The following GPLD1 variants were observed in gnomAD, a reference collection of about 807,000 sequenced individuals.
GPLD1 encodes glycosylphosphatidylinositol specific phospholipase D1, also known as phosphatidylinositol-glycan-specific phospholipase D.
Under a neutral mutation model 112.6 loss-of-function variants are expected in GPLD1, and 84 were observed. That is an observed-to-expected ratio of 0.75 (90% CI 0.63 to 0.89). The LOEUF (loss-of-function observed/expected upper bound fraction) is 0.89. Ranked by LOEUF, GPLD1 falls within the 40% of genes least tolerant of loss-of-function variation. GPLD1 has a pLI of 0.00. For missense variants in GPLD1, 1,044 were observed against 1,051.5 expected (o/e 0.99, Z 0.10); for synonymous variants, 386 against 403.8 (o/e 0.96, Z 0.53).
intron 24 of GPLD1, among the ~76,000 whole-genome samples, chr6:24,430,603 CT>C (rs1554128315): frequency 4.1e-5 from 1 of 24,244 alleles, no homozygotes; most frequent in Non-Finnish European, 1.4e-4. Flanking sequence ...GAGAGCACTA[CT>C]TACTTAAGTA....
At chr6:24,433,650 G>A (rs145029792) in intron 22 of GPLD1, 44,980 of 348,890 alleles carry the variant, frequency 0.13, 3,455 homozygotes, top group East Asian at 0.15. Context: ...CCACCACCAC[G>A]CCCGGTTAAT....
upstream of GPLD1, among the ~76,000 whole-genome samples, chr6:24,494,565 C>G (rs1044564620): frequency 3.3e-5 from 5 of 152,156 alleles, no homozygotes; most frequent in Non-Finnish European, 5.9e-5. Flanking sequence ...ATCTATGGAC[C>G]GCGCACAAAT....
At chr6:24,439,304 G>A (rs548105193) in intron 20 of GPLD1, among the ~76,000 whole-genome samples, 15 of 143,874 alleles carry the variant, frequency 1.0e-4, no homozygotes, top group East Asian at 1.9e-4. Flanking sequence ...TCTAGCTTTC[G>A]GAGCAAGAAT....
chr6:24,445,865 G>GCACAA lies in GPLD1; in HGVS notation c.1821-39_1821-35dup, dbSNP rs760216376. The GCACAA allele has an allele frequency of 6.6e-5, 95 of 1,433,654 alleles. No individual in the cohort carries two copies. The East Asian group carries it at 2.1e-3, about 32-fold the overall frequency. The allele number at this position is 1,433,654 out of a possible 1,614,324, so 88.8% of individuals were successfully genotyped here. A position where few individuals can be genotyped will look rare whatever the true frequency, so the allele number is the denominator to read the frequency against. Reference sequence around the variant, plus strand: ...AAGCACACTGGGCTTAGCTGCCAGGGCACAAGACTGACAGCTGGCCAGGTA... The same window carrying GCACAA: ...AAGCACACTGGGCTTAGCTGCCAGGGCACAACACAAGACTGACAGCTGGCCAGGTA... On this transcript the variant is annotated intron_variant, in intron 18 of 24. Transcript: ENST00000230036.
At chr6:24,480,967 A>G (rs1019480101) in intron 2 of GPLD1, among the ~76,000 whole-genome samples, 2 of 152,238 alleles carry the variant, frequency 1.3e-5, no homozygotes, top group Non-Finnish European at 2.9e-5. Context: ...GGCAGAGTAC[A>G]GGACAACCAT....
At chr6:24,459,085 G>C (rs1417036786) in intron 12 of GPLD1, among the ~76,000 whole-genome samples, 1 of 151,906 alleles carries the variant, frequency 6.6e-6, no homozygotes. Context: ...AGGCAAATAC[G>C]ACTACTCAGA....
chr6:24,447,995 T>C lies in GPLD1; in HGVS notation c.1560A>G (p.Ala520=), dbSNP rs1372563757. 1 of 1,613,654 alleles carries C rather than the reference T, an allele frequency of 6.2e-7. No homozygotes were observed. Among genetic ancestry groups the C allele is most frequent in the Non-Finnish European group, 8.5e-7 (1 of 1,179,978 alleles). Reference sequence around the variant, plus strand: ...CGGGTTCACTGTCTCCATTCACATCTGCAGCCAAGAGAGTCCAGCCCAAGT... The same window carrying C: ...CGGGTTCACTGTCTCCATTCACATCCGCAGCCAAGAGAGTCCAGCCCAAGT... ...YCNLGWTLLA[A]DVNGDSEPDL... Residue 520 remains alanine, a synonymous_variant, in exon 17 of 25, where the codon GCA becomes GCG. Coordinates refer to ENST00000230036, the MANE Select transcript of GPLD1 (RefSeq NM_001503.4).
At chr6:24,470,304 C>T (rs1011745175) in intron 7 of GPLD1, among the ~76,000 whole-genome samples, 3 of 152,128 alleles carry the variant, frequency 2.0e-5, no homozygotes, top group Non-Finnish European at 4.4e-5. Context: ...GACTTTAATG[C>T]AGCAACTATT....
Position 24,429,073 on chromosome 6 carries a change from G to T in GPLD1, c.2482C>A (p.Leu828Ile). The stretch of plus-strand genomic sequence containing the variant: ...CTATAGACGTGAAGTGCCCCGGAGA[G>T]TCGGGCTCCCAAAGAACTCCTTCCA... The part of the protein sequence containing the change: ...AAGRSSLGAR[L>I]SGALHVYSLG... Residue 828 changes from leucine (L) to isoleucine (I), a missense_variant, in exon 25 of 25, where the codon CTC (leucine) becomes ATC (isoleucine). By Grantham distance (5) the Leu-to-Ile change is conservative. Coordinates refer to ENST00000230036, the MANE Select transcript of GPLD1 (RefSeq NM_001503.4). The T allele has an allele frequency of 1.9e-6, 3 of 1,613,868 alleles. No homozygotes were observed. The highest frequency in any genetic ancestry group is 2.5e-6 in the Non-Finnish European group (3 of 1,179,802).
chr6:24,451,329 T>C (rs1763076649), intron 14 of GPLD1, among the ~76,000 whole-genome samples: 1 of 133,942 alleles, frequency 7.5e-6, no homozygotes, highest in Non-Finnish European at 1.8e-5. Context: ...TCCAATTCTT[T>C]CTCTTTTTTT....
At chr6:24,492,721 T>C (rs1416326888), upstream of GPLD1, among the ~76,000 whole-genome samples, 1 of 151,654 alleles carries the variant, frequency 6.6e-6, no homozygotes, top group Non-Finnish European at 1.5e-5. Context: ...CAGGACAGGC[T>C]GGAAGTAAGA....
chr6:24,460,087 A>G (rs898112045), intron 12 of GPLD1, among the ~76,000 whole-genome samples, 192 bp downstream of exon 12: 1 of 152,004 alleles, frequency 6.6e-6, no homozygotes, highest in African/African-American at 2.4e-5. Flanking sequence ...TTATAGAGAC[A>G]AGGTCTTGCT....
At chr6:24,480,870 C>T (rs1764179362) in intron 2 of GPLD1, among the ~76,000 whole-genome samples, 1 of 152,204 alleles carries the variant, frequency 6.6e-6, no homozygotes, top group African/African-American at 2.4e-5. Context: ...CCACGGAGCC[C>T]TCGGCTAACA....
At chr6:24,476,354 G>A (rs186905755) in intron 3 of GPLD1, 76 bp from the exon 4 acceptor site, 46 of 732,468 alleles carry the variant, frequency 6.3e-5, no homozygotes, top group Non-Finnish European at 8.9e-5. Flanking sequence ...CACACCACCC[G>A]CTGCGCTGCT....
rs191332421 is a variant in GPLD1, at chr6:24,483,394, A to G, written c.153+2681T>C. Among the ~76,000 whole-genome samples, 110 of 151,744 alleles carry G rather than the reference A, an allele frequency of 7.2e-4. 5 individuals are homozygous for G. The highest frequency in any genetic ancestry group is 6.5e-3 in the Admixed American group (99 of 15,218). On this transcript the variant is annotated intron_variant, in intron 2 of 24. Transcript: ENST00000230036. ...CAGTGAAATAGAATAAAGAGTACAGAAAGGCCAGGTGCAGTGGCTCACCCC... is the reference window on the plus strand; with the variant it reads ...CAGTGAAATAGAATAAAGAGTACAGGAAGGCCAGGTGCAGTGGCTCACCCC...
intron 14 of GPLD1, among the ~76,000 whole-genome samples, chr6:24,453,710 G>GTGTGTT (rs1351700519): frequency 9.2e-5 from 14 of 151,638 alleles, no homozygotes; most frequent in Admixed American, 2.0e-4. Flanking sequence ...GTGTGTGTGT[G>GTGTGTT]TGTGTGTGTG....
In GPLD1 at chr6:24,460,332, TC is replaced by T. The variant is rs1175323089; in HGVS notation, c.954del (p.Asn319IlefsTer2). On this transcript the variant is annotated frameshift_variant, in exon 12 of 25. Coordinates refer to ENST00000230036, the MANE Select transcript of GPLD1 (RefSeq NM_001503.4). LOFTEE classifies it high-confidence loss of function. ...ACTCCTCTTTCAGTATAGTTTATAT[TC>T]CTGTCAACACTTTCAGTTAGGGATG... Reference protein sequence around the residue: ...LTTSLTESVDRNINYTERGVF... With the variant: ...LTTSLTESVDXNINYTERGVF... The T allele has an allele frequency of 6.2e-7, 1 of 1,613,140 alleles. No individual in the cohort carries two copies. Among genetic ancestry groups the T allele is most frequent in the Admixed American group, 1.7e-5 (1 of 60,014 alleles).
At chr6:24,445,141 C>T (rs13192752) in intron 20 of GPLD1, among the ~76,000 whole-genome samples, 35,918 of 151,950 alleles carry the variant, frequency 0.24, 4,495 homozygotes, top group Non-Finnish European at 0.26. Flanking sequence ...GATTCTCCTG[C>T]CTCAGCCTCC....
intron 1 of GPLD1, among the ~76,000 whole-genome samples, chr6:24,486,719 G>A (rs1764388627): frequency 6.6e-6 from 1 of 152,128 alleles, no homozygotes; most frequent in Admixed American, 6.5e-5. Flanking sequence ...TTGGGAGGCT[G>A]AGGCAGGGGA....
Sources: gnomAD v4.1 joint callset for allele counts (sites outside exome capture counted in the v4.1 genomes callset) on GRCh38, gnomAD v4.1.1 for gene constraint, MANE v1.5 for transcripts, NCBI Gene and HGNC (gene_info 2026-07-23, HGNC 2026-07-21) for gene names.